FOXK2: variants seen among roughly 807,000 people sequenced by gnomAD.
FOXK2 encodes forkhead box K2.
Under a neutral mutation model 53.3 loss-of-function variants are expected in FOXK2, and 24 were observed. That is an observed-to-expected ratio of 0.45 (90% CI 0.33 to 0.63). The LOEUF (loss-of-function observed/expected upper bound fraction) is 0.63, where lower values mean the gene tolerates loss of function less well. Among genes scored for constraint, FOXK2 ranks in the 30% least tolerant of loss-of-function variants. The pLI is 0.03. For missense variants in FOXK2, 952 were observed against 910.5 expected, an observed-to-expected ratio of 1.05 and a Z score of -0.59; for synonymous variants, 505 against 407.1, an observed-to-expected ratio of 1.24 and a Z score of -2.89.
intron 1 of FOXK2, among the ~76,000 whole-genome samples, chr17:82,529,882 T>C (rs916913902): frequency 7.2e-5 from 11 of 152,260 alleles, no homozygotes; most frequent in Non-Finnish European, 1.6e-4. Flanking sequence ...TGTGTTCTCT[T>C]AGTCGTATTT....
intron 8 of FOXK2, among the ~76,000 whole-genome samples, chr17:82,587,939 C>A (rs1355872618): frequency 6.6e-6 from 1 of 152,160 alleles, no homozygotes; most frequent in African/African-American, 2.4e-5. Context: ...CTTGCGGGAT[C>A]TCAAGCAGGC....
At chr17:82,526,419 G>A (rs183337958) in intron 1 of FOXK2, among the ~76,000 whole-genome samples, 1 of 152,286 alleles carries the variant, frequency 6.6e-6, no homozygotes, top group East Asian at 1.9e-4. Flanking sequence ...AGGAAGGAGT[G>A]GAGGTAGAAG....
At chr17:82,536,461 A>T (rs1224757879) in intron 1 of FOXK2, among the ~76,000 whole-genome samples, 1 of 152,166 alleles carries the variant, frequency 6.6e-6, no homozygotes, top group Non-Finnish European at 1.5e-5. Flanking sequence ...CCTTTTATTT[A>T]ACGACTTTTC....
chr17:82,546,803 G>A (rs972913609), intron 1 of FOXK2, among the ~76,000 whole-genome samples: 8 of 152,020 alleles, frequency 5.3e-5, no homozygotes, highest in African/African-American at 1.9e-4. Flanking sequence ...CAGGCCGGGT[G>A]CGGTGGCTCA....
In FOXK2 at chr17:82,603,083, G is replaced by A. The variant is rs2143194163; in HGVS notation, c.*1584G>A. On this transcript the variant is annotated 3_prime_UTR_variant, in exon 9 of 9. Transcript: ENST00000335255. The stretch of plus-strand genomic sequence containing the variant: ...TTGTGTCGGCCCTCAGCATGGGGCT[G>A]GGGCAGCGTCACTGCGGTGACGCCC... 1.3e-5 allele frequency: 2 copies of A among 152,718 alleles called. No individual in the cohort carries two copies. Among genetic ancestry groups the A allele is most frequent in the South Asian group, 4.1e-4 (2 of 4,830 alleles). The allele number at this position is 152,718 out of a possible 1,614,324, so 9.5% of individuals were successfully genotyped here. A position where few individuals can be genotyped will look rare whatever the true frequency, so the allele number is the denominator to read the frequency against.
At chr17:82,570,215 CTG>C (rs2044901692) in intron 3 of FOXK2, among the ~76,000 whole-genome samples, 1 of 148,540 alleles carries the variant, frequency 6.7e-6, no homozygotes, top group African/African-American at 2.5e-5. Context: ...GAGCGAGACT[CTG>C]TCTCAAAAAA....
At chr17:82,528,798 G>A (rs993142045) in intron 1 of FOXK2, among the ~76,000 whole-genome samples, 1 of 152,212 alleles carries the variant, frequency 6.6e-6, no homozygotes, top group African/African-American at 2.4e-5. Context: ...TGAGAATTCC[G>A]TAGATTTCTA....
At chr17:82,542,682 G>C (rs534752034) in intron 1 of FOXK2, among the ~76,000 whole-genome samples, 1 of 152,236 alleles carries the variant, frequency 6.6e-6, no homozygotes, top group Non-Finnish European at 1.5e-5. Flanking sequence ...GAGAGGACAG[G>C]TGCAGAGTGC....
At position 82,602,330 on chromosome 17, in the gene FOXK2, T is replaced by G. The variant is rs1393433655; in HGVS notation, c.*831T>G. ...TTTCTGGCTATTTTTTGTTGTTTGT[T>G]TCTTTGTGTTGACTTTGTCCCTGGC... On this transcript the variant is annotated 3_prime_UTR_variant, in exon 9 of 9. Coordinates refer to ENST00000335255, the MANE Select transcript of FOXK2 (RefSeq NM_004514.4). The G allele has an allele frequency of 6.6e-6, 1 of 152,246 alleles. No homozygotes were observed. The highest frequency in any genetic ancestry group is 2.4e-5 in the African/African-American group (1 of 41,448). 9.4% of individuals were successfully genotyped at this position (152,246 alleles called of 1,614,324 possible).
intron 1 of FOXK2, among the ~76,000 whole-genome samples, chr17:82,523,278 G>T (rs1359073162): frequency 1.3e-5 from 2 of 152,174 alleles, no homozygotes; most frequent in Non-Finnish European, 2.9e-5. Flanking sequence ...ACAAGGGGAT[G>T]AGTGGCTTTT....
intron 8 of FOXK2, 80 bp downstream of exon 8, chr17:82,587,352 G>C: frequency 9.1e-7 from 1 of 1,104,070 alleles, no homozygotes; most frequent in Non-Finnish European, 1.4e-6. Flanking sequence ...TTTCGGTTCT[G>C]ACTGTAACAA....
At chr17:82,553,893 G>A (rs964086583) in intron 1 of FOXK2, among the ~76,000 whole-genome samples, 30 of 152,098 alleles carry the variant, frequency 2.0e-4, no homozygotes, top group Non-Finnish European at 3.8e-4. Flanking sequence ...GAGGGCAGTG[G>A]CGTGATCTCA....
At chr17:82,575,577 A>T (rs2044972770) in intron 4 of FOXK2, among the ~76,000 whole-genome samples, 1 of 152,188 alleles carries the variant, frequency 6.6e-6, no homozygotes. Flanking sequence ...CTTAAAAGAG[A>T]CTTCTAGAAA....
At chr17:82,578,859 G>A (rs1012063326) in intron 4 of FOXK2, among the ~76,000 whole-genome samples, 3 of 152,192 alleles carry the variant, frequency 2.0e-5, no homozygotes, top group East Asian at 1.9e-4. Flanking sequence ...CCCGTGTCAC[G>A]TTCTTCTGCT....
At chr17:82,561,917 G>A (rs919297308) in intron 1 of FOXK2, among the ~76,000 whole-genome samples, 1 of 122,934 alleles carries the variant, frequency 8.1e-6, no homozygotes, top group Non-Finnish European at 1.8e-5. Context: ...GGGGGGGGGG[G>A]TGCCCGCACT....
chr17:82,573,556 TCTCTCTCACACACACACACACA>T (rs766271273), intron 4 of FOXK2, among the ~76,000 whole-genome samples: 9 of 116,546 alleles, frequency 7.7e-5, no homozygotes, highest in South Asian at 3.2e-4. Context: ...TCTCTCTCTC[TCTCTCTCACACACACACACACA>T]CACACACACA....
At chr17:82,567,948 T>TTTTA in intron 2 of FOXK2, 106 bp from the exon 3 acceptor site, 1 of 611,168 alleles carries the variant, frequency 1.6e-6, no homozygotes, top group Non-Finnish European at 2.4e-6. Context: ...TTTTTTTTTT[T>TTTTA]AACATTTCTG....
chr17:82,597,242 C>G lies in FOXK2; in HGVS notation c.1787-4061C>G, dbSNP rs149636767. On this transcript the variant is annotated intron_variant, in intron 8 of 8. Coordinates refer to ENST00000335255, the MANE Select transcript of FOXK2 (RefSeq NM_004514.4). ...GTTTGCAGTGCTCGCTGCACAGACC[C>G]TTCTGCCTTATTCAGCATCTTTAGA... Among the ~76,000 whole-genome samples, 12 of 152,374 alleles carry G rather than the reference C, an allele frequency of 7.9e-5. No individual in the cohort carries two copies. The East Asian group carries it at 2.3e-3, about 29-fold the overall frequency.
chr17:82,567,969 C>A, intron 2 of FOXK2, 85 bp from the exon 3 acceptor site: 13 of 855,376 alleles, frequency 1.5e-5, no homozygotes, highest in Non-Finnish European at 2.0e-5. Flanking sequence ...TATTTGTTAT[C>A]CCTGTAATTA....
Sources: gnomAD v4.1 joint callset for allele counts (sites outside exome capture counted in the v4.1 genomes callset) on GRCh38, gnomAD v4.1.1 for gene constraint, MANE v1.5 for transcripts, NCBI Gene and HGNC (gene_info 2026-07-23, HGNC 2026-07-21) for gene names.